Variants in ABCC8 observed in about 807,000 individuals in gnomAD.
The protein encoded by ABCC8 is ATP-binding cassette sub-family C member 8.
A neutral mutation model predicts 188.0 loss-of-function variants in ABCC8; 137 were observed. That is an observed-to-expected ratio of 0.73 (90% CI 0.63 to 0.84). ABCC8 has a LOEUF of 0.84. Ranked by LOEUF, ABCC8 falls within the 40% of genes least tolerant of loss-of-function variation. The pLI is 0.00. For missense variants in ABCC8, 1,750 were observed against 2,072.7 expected (o/e 0.84, Z 3.02); for synonymous variants, 797 against 846.5 (o/e 0.94, Z 1.01).
In ABCC8 at chr11:17,460,646, G is replaced by T. The variant is rs773087569; in HGVS notation, c.853C>A (p.Arg285=). 5 of 1,611,002 alleles carry T rather than the reference G, an allele frequency of 3.1e-6. No homozygotes were observed. Among genetic ancestry groups the T allele is most frequent in the Non-Finnish European group, 4.2e-6 (5 of 1,180,030 alleles). Residue 285 remains arginine, a synonymous_variant, in exon 6 of 39, where the codon CGG becomes AGG. Coordinates refer to ENST00000389817, the MANE Select transcript of ABCC8 (RefSeq NM_000352.6). ...TGGCTGAGTGCCTGCCAGATGGCCC[G>T]GGCACCTTGAGTGCCCTGAATGTCC... ...RKDIQGTQGA[R]AIWQALSHAF...
At chr11:17,413,349 TG>T (rs1158708947) in intron 20 of ABCC8, 44 bp downstream of exon 20, 1 of 1,612,922 alleles carries the variant, frequency 6.2e-7, no homozygotes, top group Non-Finnish European at 8.5e-7. Context: ...CATGGTAGGT[TG>T]GGGGTCCTGG....
chr11:17,442,578 C>A, intron 10 of ABCC8, 142 bp downstream of exon 10: 2 of 822,120 alleles, frequency 2.4e-6, no homozygotes, highest in Non-Finnish European at 4.2e-6. Context: ...GCTATCAGAG[C>A]CAGTTTGAGG....
intron 33 of ABCC8, 64 bp downstream of exon 33, chr11:17,396,852 C>T: frequency 1.3e-6 from 2 of 1,596,922 alleles, no homozygotes; most frequent in East Asian, 2.2e-5. Context: ...CCATCCAGCT[C>T]CGTGCATGCC....
At chr11:17,428,031 A>G in intron 14 of ABCC8, 89 bp from the exon 15 acceptor site, 8 of 1,585,940 alleles carry the variant, frequency 5.0e-6, no homozygotes, top group Non-Finnish European at 6.9e-6. Flanking sequence ...CCTCCATGAA[A>G]GCCAAAAGAC....
chr11:17,412,690 G>A lies in ABCC8; in HGVS notation c.2532C>T (p.Tyr844=). The change falls in exon 21 of 39, where the codon TAC becomes TAT. Residue 844 remains tyrosine (Y), a synonymous_variant. Coordinates refer to ENST00000389817, the MANE Select transcript of ABCC8 (RefSeq NM_000352.6). ...RQRISVARAL[Y]QHANVVFLDD... ...CCAAGAAGACAACGTTGGCGTGCTGGTAGAGGGCTCGGGCCACACTGATTC... is the reference window on the plus strand; with the variant it reads ...CCAAGAAGACAACGTTGGCGTGCTGATAGAGGGCTCGGGCCACACTGATTC... 1.9e-6 allele frequency: 3 copies of A among 1,612,164 alleles called. No homozygotes were observed. The highest frequency in any genetic ancestry group is 1.6e-4 in the Middle Eastern group (1 of 6,062).
chr11:17,431,709 T>C (rs1299988843), intron 11 of ABCC8, among the ~76,000 whole-genome samples: 4 of 152,204 alleles, frequency 2.6e-5, no homozygotes, highest in East Asian at 3.9e-4. Context: ...GCATGGAGAA[T>C]TGTGTGTGGC....
intron 37 of ABCC8, 100 bp from the exon 38 acceptor site, chr11:17,393,859 T>A: frequency 6.2e-7 from 1 of 1,611,208 alleles, no homozygotes; most frequent in Non-Finnish European, 8.5e-7. Context: ...TCAGCTCCCA[T>A]CTGACCCCGA....
chr11:17,439,651 C>T (rs1482920511), intron 10 of ABCC8, among the ~76,000 whole-genome samples: 1 of 152,116 alleles, frequency 6.6e-6, no homozygotes, highest in Non-Finnish European at 1.5e-5. Flanking sequence ...CTCGGAAAGG[C>T]AAACACACTG....
At chr11:17,406,520 G>C in intron 26 of ABCC8, 102 bp downstream of exon 26, 1 of 1,271,466 alleles carries the variant, frequency 7.9e-7, no homozygotes, top group Non-Finnish European at 1.1e-6. Flanking sequence ...ACCCCCACAA[G>C]CTTGTGACAG....
At chr11:17,414,729 T>C in intron 18 of ABCC8, 119 bp from the exon 19 acceptor site, 3 of 1,537,482 alleles carry the variant, frequency 2.0e-6, no homozygotes, top group Non-Finnish European at 2.6e-6. Flanking sequence ...GTGCAGTTGG[T>C]AGAAATCTGC....
intron 16 of ABCC8, among the ~76,000 whole-genome samples, chr11:17,420,611 C>T (rs1274130635): frequency 1.3e-5 from 2 of 152,160 alleles, no homozygotes; most frequent in Non-Finnish European, 2.9e-5. Context: ...GGGCTCTTGG[C>T]AGGCAGCATC....
intron 10 of ABCC8, 21 bp from the exon 11 acceptor site, chr11:17,432,265 G>A (rs986521904): frequency 4.5e-6 from 7 of 1,551,972 alleles, no homozygotes; most frequent in Non-Finnish European, 5.2e-6. Flanking sequence ...AGCACAGGGA[G>A]GCGTTTAGTG....
intron 10 of ABCC8, among the ~76,000 whole-genome samples, chr11:17,439,263 C>T (rs373647239): frequency 1.1e-3 from 162 of 151,588 alleles, no homozygotes; most frequent in African/African-American, 3.6e-3. Flanking sequence ...TGTACCAGTT[C>T]GGGACTCCAT....
chr11:17,393,850 C>T (rs1287230625), intron 37 of ABCC8, 91 bp from the exon 38 acceptor site: 5 of 1,612,736 alleles, frequency 3.1e-6, no homozygotes, highest in African/African-American at 1.3e-5. Flanking sequence ...GTCTGTGGCT[C>T]AGCTCCCATC....
intron 10 of ABCC8, among the ~76,000 whole-genome samples, chr11:17,441,542 CATA>C (rs1956315893): frequency 1.3e-5 from 2 of 152,232 alleles, no homozygotes; most frequent in South Asian, 4.2e-4. Flanking sequence ...TCCACTTGGC[CATA>C]ATGACTCTTA....
intron 16 of ABCC8, among the ~76,000 whole-genome samples, chr11:17,421,135 G>A (rs1955321482): frequency 6.6e-6 from 1 of 152,142 alleles, no homozygotes; most frequent in South Asian, 2.1e-4. Context: ...GCTCCCCAAG[G>A]GCAGGTGCTA....
At chr11:17,400,577 T>C (rs929432344) in intron 29 of ABCC8, among the ~76,000 whole-genome samples, 6 of 152,118 alleles carry the variant, frequency 3.9e-5, no homozygotes, top group Admixed American at 1.3e-4. Context: ...GAAGTGATAG[T>C]TCCTACATGA....
At chr11:17,402,827 A>C in intron 28 of ABCC8, 74 bp from the exon 29 acceptor site, 1 of 1,562,292 alleles carries the variant, frequency 6.4e-7, no homozygotes, top group Non-Finnish European at 8.8e-7. Flanking sequence ...GCCTAGCTCC[A>C]CCTGCTACCG....
At chr11:17,469,432 C>T (rs994137602) in intron 3 of ABCC8, among the ~76,000 whole-genome samples, 43 of 152,220 alleles carry the variant, frequency 2.8e-4, no homozygotes, top group African/African-American at 9.6e-4. Flanking sequence ...AGGCCCACCT[C>T]CTGAAAGTGT....
Sources: allele counts gnomAD v4.1 joint callset (sites outside exome capture counted in the v4.1 genomes callset), GRCh38; gene constraint gnomAD v4.1.1; transcripts MANE v1.5; gene names NCBI Gene and HGNC (gene_info 2026-07-23, HGNC 2026-07-21).